The following SENP7 variants were observed in gnomAD, a reference collection of about 807,000 sequenced individuals.
SENP7 encodes the protein sentrin-specific protease 7.
In SENP7, 64 loss-of-function variants were observed where a neutral mutation model predicts 141.2. The ratio of observed to expected loss-of-function variants is 0.45; its 90% CI spans 0.37 to 0.56. The LOEUF (loss-of-function observed/expected upper bound fraction) is 0.56, where lower values mean the gene tolerates loss of function less well. Ranked by LOEUF, SENP7 falls within the 20% of genes least tolerant of loss-of-function variation. The pLI is 0.00. For missense variants in SENP7, 1,025 were observed against 1,212.2 expected (o/e 0.85, Z 2.29); for synonymous variants, 382 against 426.4 (o/e 0.90, Z 1.28).
At chr3:101,390,367 C>G (rs2060784972) in intron 6 of SENP7, among the ~76,000 whole-genome samples, 1 of 147,224 alleles carries the variant, frequency 6.8e-6, no homozygotes, top group Non-Finnish European at 1.5e-5. Context: ...ATACATTCCA[C>G]ACAAATGGAA....
chr3:101,415,328 T>G (rs759383530), intron 5 of SENP7, among the ~76,000 whole-genome samples: 2 of 152,178 alleles, frequency 1.3e-5, no homozygotes, highest in Non-Finnish European at 2.9e-5. Flanking sequence ...TGCAAAAACA[T>G]GAGAGGCGAG....
chr3:101,390,241 A>C (rs1439571899), intron 6 of SENP7, among the ~76,000 whole-genome samples: 5 of 145,522 alleles, frequency 3.4e-5, no homozygotes, highest in Non-Finnish European at 6.1e-5. Flanking sequence ...AAAAAAAAAA[A>C]AACCCAGAAA....
intron 4 of SENP7, among the ~76,000 whole-genome samples, chr3:101,432,486 GACCCA>G (rs1559816517): frequency 1.3e-5 from 2 of 152,186 alleles, no homozygotes; most frequent in Non-Finnish European, 2.9e-5. Flanking sequence ...TCTTGGGAGA[GACCCA>G]GGCTGTGCTG....
chr3:101,469,245 T>A (rs1183978740), intron 3 of SENP7, among the ~76,000 whole-genome samples: 2 of 151,964 alleles, frequency 1.3e-5, no homozygotes, highest in African/African-American at 4.8e-5. Context: ...GCACCCAGAT[T>A]CATAAAGCAA....
chr3:101,362,351 G>C (rs545930555), intron 10 of SENP7, among the ~76,000 whole-genome samples: 1 of 152,234 alleles, frequency 6.6e-6, no homozygotes, highest in Admixed American at 6.5e-5. Context: ...AAAATCATGC[G>C]ATTAGTAAGA....
At chr3:101,366,375 ATAAC>A (rs1417357948) in intron 9 of SENP7, 51 bp downstream of exon 9, 13 of 1,308,158 alleles carry the variant, frequency 9.9e-6, no homozygotes, top group Non-Finnish European at 1.4e-5. Context: ...GAATAAAAAA[ATAAC>A]TAAGTAAAGC....
chr3:101,424,057 T>C (rs1028871573), intron 4 of SENP7, among the ~76,000 whole-genome samples: 4 of 152,126 alleles, frequency 2.6e-5, no homozygotes, highest in African/African-American at 7.2e-5. Flanking sequence ...AGGGGAACTG[T>C]TGGACCTGAA....
chr3:101,337,463 A>G (rs1190006881), intron 17 of SENP7, 46 bp downstream of exon 17: 2 of 1,345,314 alleles, frequency 1.5e-6, no homozygotes, highest in African/African-American at 1.5e-5. Flanking sequence ...CATCAAAAAT[A>G]GTACATTTTC....
chr3:101,334,800 G>C (rs1446232691), intron 17 of SENP7, among the ~76,000 whole-genome samples: 1 of 152,084 alleles, frequency 6.6e-6, no homozygotes, highest in Non-Finnish European at 1.5e-5. Flanking sequence ...AACCTTATTT[G>C]ATTGAGAATA....
rs917269972 is a variant in SENP7, at chr3:101,432,326, G to A, written c.285-14536C>T. Among the ~76,000 whole-genome samples the A allele has an allele frequency of 1.2e-4, 18 of 149,942 alleles. 2 individuals carry two copies. The highest frequency in any genetic ancestry group is 4.6e-4 in the Admixed American group (7 of 15,252). On this transcript the variant is annotated intron_variant, in intron 4 of 23. Coordinates refer to ENST00000394095, the MANE Select transcript of SENP7 (RefSeq NM_020654.5). ...TTTTTGACTCCAGTCCCTGACTCCC[G>A]GACAGCACTTCTGGACTGACCAAGG...
At chr3:101,426,859 GA>G (rs1346790277) in intron 4 of SENP7, among the ~76,000 whole-genome samples, 1 of 152,112 alleles carries the variant, frequency 6.6e-6, no homozygotes, top group Non-Finnish European at 1.5e-5. Context: ...GCTCCTGAAA[GA>G]AGCACTAAAT....
chr3:101,407,785 G>A (rs2061346137), intron 5 of SENP7, among the ~76,000 whole-genome samples: 1 of 152,098 alleles, frequency 6.6e-6, no homozygotes, highest in South Asian at 2.1e-4. Context: ...CACAGCAAAG[G>A]CGATGCTAAG....
At chr3:101,371,332 A>C (rs1036801125) in intron 7 of SENP7, among the ~76,000 whole-genome samples, 4 of 152,234 alleles carry the variant, frequency 2.6e-5, no homozygotes, top group Non-Finnish European at 4.4e-5. Context: ...GAAAAGCAAG[A>C]AAGAAAGCAA....
chr3:101,340,333 A>G, intron 15 of SENP7, 122 bp from the exon 16 acceptor site: 1 of 1,196,316 alleles, frequency 8.4e-7, no homozygotes. Context: ...AGGGTAAAAA[A>G]CATTTGACCA....
intron 11 of SENP7, chr3:101,358,234 A>G (rs2059796953): frequency 1.1e-6 from 1 of 898,538 alleles, no homozygotes; most frequent in African/African-American, 1.7e-5. Flanking sequence ...AACATAAGAG[A>G]ACTCATACTA....
intron 3 of SENP7, among the ~76,000 whole-genome samples, chr3:101,473,276 T>C (rs11923197): frequency 2.4e-4 from 37 of 152,358 alleles, no homozygotes; most frequent in African/African-American, 6.3e-4. Flanking sequence ...GAGTGAATGG[T>C]ACTTCTGTCT....
intron 3 of SENP7, among the ~76,000 whole-genome samples, chr3:101,477,016 T>A (rs1037454343): frequency 4.6e-5 from 7 of 152,346 alleles, no homozygotes; most frequent in African/African-American, 1.7e-4. Context: ...GTCAGATGGA[T>A]AGATTGCATA....
chr3:101,337,319 C>T (rs1043552531), intron 17 of SENP7, 190 bp downstream of exon 17: 2 of 360,354 alleles, frequency 5.6e-6, no homozygotes, highest in African/African-American at 4.2e-5. Context: ...CTGCAAGTGT[C>T]AGCCTCCCTG....
rs1020090127 is a variant in SENP7, at chr3:101,330,439, G to T, written c.2699-53C>A. 4.9e-6 allele frequency: 6 copies of T among 1,235,436 alleles called. No individual in the cohort carries two copies. The African/African-American group carries it at 7.6e-5, about 16-fold the overall frequency. The allele number at this position is 1,235,436 out of a possible 1,614,324, so 76.5% of individuals were successfully genotyped here. ...AGTGTTTATTGCATGTTTTTATACA[G>T]GTAACTTAGAAAAGCTTAAAATTAT... On this transcript the variant is annotated intron_variant, in intron 19 of 23. Transcript: ENST00000394095.
Sources: allele counts gnomAD v4.1 joint callset (sites outside exome capture counted in the v4.1 genomes callset), GRCh38; gene constraint gnomAD v4.1.1; transcripts MANE v1.5; gene names NCBI Gene and HGNC (gene_info 2026-07-23, HGNC 2026-07-21).